SCFD1: variants seen among roughly 807,000 people sequenced by gnomAD.
SCFD1 encodes sec1 family domain containing 1, also known as sec1 family domain-containing protein 1.
SCFD1 carries 37 observed loss-of-function variants against 103.2 expected under a neutral mutation model. That is an observed-to-expected ratio of 0.36 (90% CI 0.28 to 0.47). The LOEUF (loss-of-function observed/expected upper bound fraction) is 0.47. SCFD1 is among the 20% of genes least tolerant of loss of function. The pLI, the probability that SCFD1 is intolerant of heterozygous loss-of-function variation, is 1.00. For synonymous variants in SCFD1, 264 were observed against 245.0 expected, an observed-to-expected ratio of 1.08 and a Z score of -0.73; for missense variants, 639 against 761.2, an observed-to-expected ratio of 0.84 and a Z score of 1.89.
intron 9 of SCFD1, among the ~76,000 whole-genome samples, chr14:30,651,072 T>TA (rs1339770238): frequency 6.6e-6 from 1 of 152,128 alleles, no homozygotes; most frequent in African/African-American, 2.4e-5. Flanking sequence ...TTAGCATTTC[T>TA]AGCATAAGTA....
intron 7 of SCFD1, among the ~76,000 whole-genome samples, chr14:30,645,256 A>G (rs530165344): frequency 4.9e-4 from 75 of 152,216 alleles, no homozygotes; most frequent in South Asian, 1.0e-3. Context: ...TATACTTCGA[A>G]GTCAGGTTGT....
chr14:30,670,771 C>T lies in SCFD1; in HGVS notation c.995+376C>T, dbSNP rs181852992. Among the ~76,000 whole-genome samples, 3 of 151,988 alleles carry T rather than the reference C, an allele frequency of 2.0e-5. No homozygotes were observed. The South Asian group carries it at 6.2e-4, about 31-fold the overall frequency. On this transcript the variant is annotated intron_variant, in intron 11 of 24. Coordinates refer to ENST00000458591, the MANE Select transcript of SCFD1 (RefSeq NM_016106.4). Reference sequence around the variant, plus strand: ...TTGTTACATGTTGCCCTCATGTAAACCTTGTTTTAGATACTTGTGGAGAGA... The same window carrying T: ...TTGTTACATGTTGCCCTCATGTAAATCTTGTTTTAGATACTTGTGGAGAGA...
At chr14:30,714,174 C>T (rs1317109230) in intron 19 of SCFD1, among the ~76,000 whole-genome samples, 2 of 145,964 alleles carry the variant, frequency 1.4e-5, no homozygotes, top group African/African-American at 2.7e-5. Context: ...GGTGAAACCC[C>T]GTCTCTACTA....
chr14:30,678,351 C>T (rs1889211475), intron 14 of SCFD1, among the ~76,000 whole-genome samples: 1 of 152,262 alleles, frequency 6.6e-6, no homozygotes, highest in Middle Eastern at 3.4e-3. Flanking sequence ...AATTAGAGCA[C>T]ACCAGTTTGT....
At chr14:30,657,509 G>A (rs1054070737) in intron 10 of SCFD1, among the ~76,000 whole-genome samples, 2 of 152,174 alleles carry the variant, frequency 1.3e-5, no homozygotes, top group African/African-American at 4.8e-5. Flanking sequence ...AAAAGGTGGT[G>A]AAAGTAGATG....
chr14:30,672,622 G>A (rs1469286740), intron 11 of SCFD1, among the ~76,000 whole-genome samples: 2 of 152,292 alleles, frequency 1.3e-5, no homozygotes, highest in Admixed American at 6.5e-5. Context: ...TTAGTACAGT[G>A]TTTTCTACCT....
chr14:30,726,141 CAAG>C (rs1566666252), intron 23 of SCFD1, among the ~76,000 whole-genome samples: 1 of 152,050 alleles, frequency 6.6e-6, no homozygotes, highest in African/African-American at 2.4e-5. Context: ...AACAGAAAAA[CAAG>C]AAGATAAACA....
At chr14:30,710,679 C>T (rs946713580) in intron 19 of SCFD1, among the ~76,000 whole-genome samples, 14 of 152,080 alleles carry the variant, frequency 9.2e-5, no homozygotes, top group African/African-American at 3.1e-4. Context: ...TAAAGAGTCT[C>T]TAGAAATATG....
At chr14:30,713,369 A>T (rs1892031317) in intron 19 of SCFD1, among the ~76,000 whole-genome samples, 1 of 138,510 alleles carries the variant, frequency 7.2e-6, no homozygotes, top group Non-Finnish European at 1.5e-5. Context: ...AAACCAGACA[A>T]AAACATACGA....
chr14:30,691,577 G>C (rs1890303898), intron 14 of SCFD1, among the ~76,000 whole-genome samples: 1 of 152,148 alleles, frequency 6.6e-6, no homozygotes. Flanking sequence ...GTATATTAAA[G>C]GGCTGTTACT....
intron 9 of SCFD1, among the ~76,000 whole-genome samples, chr14:30,652,870 G>C (rs953542537): frequency 6.6e-6 from 1 of 151,980 alleles, no homozygotes; most frequent in African/African-American, 2.4e-5. Context: ...TTAGCCAAGA[G>C]TGGTGGTGCA....
chr14:30,675,119 A>C, intron 14 of SCFD1, 54 bp downstream of exon 14: 2 of 947,862 alleles, frequency 2.1e-6, no homozygotes, highest in African/African-American at 1.7e-5. Flanking sequence ...ATAGGGTTTT[A>C]TACTTTGTAA....
chr14:30,704,572 A>G lies in SCFD1; in HGVS notation c.1491-1251A>G, dbSNP rs144638403. ...AAATTCTAATCCACTGCTGATTCACATCATCCTTTCTGAACAAGACTGAAA... is the reference window on the plus strand; with the variant it reads ...AAATTCTAATCCACTGCTGATTCACGTCATCCTTTCTGAACAAGACTGAAA... On this transcript the variant is annotated intron_variant, in intron 17 of 24. Transcript: ENST00000458591. Among the ~76,000 whole-genome samples, 21 of 152,322 alleles carry G rather than the reference A, an allele frequency of 1.4e-4. No individual in the cohort carries two copies. In the East Asian group the frequency reaches 4.0e-3, roughly 29 times the overall value.
chr14:30,714,158 T>TA, intron 19 of SCFD1, among the ~76,000 whole-genome samples: 1 of 147,416 alleles, frequency 6.8e-6, no homozygotes, highest in African/African-American at 2.6e-5. Flanking sequence ...CCATCCTGGC[T>TA]AACAAGGTGA....
chr14:30,627,811 A>G (rs1329179361), intron 1 of SCFD1, among the ~76,000 whole-genome samples: 1 of 151,484 alleles, frequency 6.6e-6, no homozygotes, highest in African/African-American at 2.4e-5. Context: ...CTTAAAAAAA[A>G]AAACAGACAG....
intron 10 of SCFD1, chr14:30,658,228 C>G (rs1264792992): frequency 3.1e-6 from 1 of 326,410 alleles, no homozygotes; most frequent in East Asian, 7.7e-5. Flanking sequence ...GCTACTGACT[C>G]TTATTATTTG....
chr14:30,706,352 G>A (rs1020729248), intron 18 of SCFD1, among the ~76,000 whole-genome samples: 16 of 152,096 alleles, frequency 1.1e-4, no homozygotes, highest in African/African-American at 3.6e-4. Flanking sequence ...TAGCTGAAAT[G>A]ATATACACCT....
intron 15 of SCFD1, among the ~76,000 whole-genome samples, chr14:30,697,248 T>C (rs931501474): frequency 1.3e-5 from 2 of 152,092 alleles, no homozygotes; most frequent in African/African-American, 4.8e-5. Context: ...GTCTGGAACA[T>C]TTTTGTTGTG....
At chr14:30,652,492 G>A (rs1886492935) in intron 9 of SCFD1, 1 of 152,044 alleles carries the variant, frequency 6.6e-6, no homozygotes, top group Admixed American at 6.6e-5. Flanking sequence ...TCCAGAGTCT[G>A]CTTGAGTTTG....
Sources: allele counts gnomAD v4.1 joint callset (sites outside exome capture counted in the v4.1 genomes callset), GRCh38; gene constraint gnomAD v4.1.1; transcripts MANE v1.5; gene names NCBI Gene and HGNC (gene_info 2026-07-23, HGNC 2026-07-21).